The following SNRPN variants were observed in gnomAD, a reference collection of about 807,000 sequenced individuals.
SNRPN encodes small nuclear ribonucleoprotein-associated protein N.
SNRPN carries 7 observed loss-of-function variants against 25.2 expected under a neutral mutation model. That is an observed-to-expected ratio of 0.28 (90% CI 0.16 to 0.52). The LOEUF is 0.52. SNRPN is among the 20% of genes least tolerant of loss of function. The probability of loss-of-function intolerance (pLI) is 0.96; values close to 1 mark genes in which losing one functional copy is unlikely to be tolerated. For synonymous variants in SNRPN, 124 were observed against 110.6 expected, an observed-to-expected ratio of 1.12 and a Z score of -0.76; for missense variants, 196 against 322.5, an observed-to-expected ratio of 0.61 and a Z score of 3.00.
chr15:24,836,686 T>C (rs530595549), intron 2 of SNRPN, among the ~76,000 whole-genome samples: 35 of 152,232 alleles, frequency 2.3e-4, no homozygotes, highest in Admixed American at 4.6e-4. Context: ...GTGCTGGGAT[T>C]ATAGGCGTGA....
chr15:24,958,321 G>T (rs957151871), intron 1 of SNRPN, among the ~76,000 whole-genome samples: 1 of 150,920 alleles, frequency 6.6e-6, no homozygotes, highest in East Asian at 1.9e-4. Flanking sequence ...TGTGAGTACT[G>T]CCCTCAATTA....
At chr15:24,868,514 T>C (rs920094342) in intron 1 of SNRPN, among the ~76,000 whole-genome samples, 4 of 152,196 alleles carry the variant, frequency 2.6e-5, no homozygotes, top group Non-Finnish European at 5.9e-5. Context: ...TGCTCTATTC[T>C]CTTGTTTCAA....
In SNRPN at chr15:24,894,364, G is replaced by A. The variant is rs531138934; in HGVS notation, c.-505+7775G>A. ...CTCCCAAGTAGCTGGGACTACAGGT[G>A]CCCGCCACCACGCCTGGCTAATTTT... On this transcript the variant is annotated intron_variant, in intron 2 of 11. Transcript: ENST00000400097. Among the ~76,000 whole-genome samples, 8 of 152,204 alleles carry A rather than the reference G, an allele frequency of 5.3e-5. No individual in the cohort carries two copies. In the South Asian group the frequency reaches 8.3e-4, roughly 16 times the overall value.
chr15:24,977,657 T>C (rs1596350314), intron 7 of SNRPN, 121 bp from the exon 8 acceptor site: 4 of 965,496 alleles, frequency 4.1e-6, no homozygotes, highest in East Asian at 2.8e-5. Context: ...ATGGGAATAA[T>C]GAGAGAAGTA....
At chr15:24,895,410 C>A (rs1595758463) in intron 2 of SNRPN, among the ~76,000 whole-genome samples, 1 of 100,596 alleles carries the variant, frequency 9.9e-6, no homozygotes, top group East Asian at 3.6e-4. Flanking sequence ...AACACACACA[C>A]ACACACACAC....
chr15:24,860,742 C>T (rs1167444234), intron 1 of SNRPN, among the ~76,000 whole-genome samples: 1 of 152,088 alleles, frequency 6.6e-6, no homozygotes, highest in Non-Finnish European at 1.5e-5. Flanking sequence ...AACAGAAAAA[C>T]AGAAAGATTG....
intron 2 of SNRPN, among the ~76,000 whole-genome samples, chr15:24,918,574 A>ATATATAACATAATATATGTGTG (rs1566909290): frequency 2.2e-5 from 1 of 46,088 alleles, no homozygotes; most frequent in African/African-American, 9.6e-5. Context: ...ATATATATGT[A>ATATATAACATAATATATGTGTG]TATATATAAC....
At chr15:24,855,003 CAAA>C (rs10600812), upstream of SNRPN, among the ~76,000 whole-genome samples, 11 of 140,808 alleles carry the variant, frequency 7.8e-5, no homozygotes, top group Non-Finnish European at 7.7e-5. Flanking sequence ...GACTCCGTCT[CAAA>C]AAAAAAAAAA....
chr15:24,962,274 T>C, intron 2 of SNRPN, 65 bp downstream of exon 2: 1 of 1,278,376 alleles, frequency 7.8e-7, no homozygotes, highest in Non-Finnish European at 1.1e-6. Context: ...GAACAAAATA[T>C]CATGCAATGA....
intron 3 of SNRPN, among the ~76,000 whole-genome samples, chr15:24,970,493 T>A (rs1290118908): frequency 6.6e-6 from 1 of 152,036 alleles, no homozygotes; most frequent in Non-Finnish European, 1.5e-5. Context: ...GCAGGAGAAT[T>A]TCTTGAACCC....
chr15:24,870,940 G>C (rs2055053553), intron 1 of SNRPN, among the ~76,000 whole-genome samples: 1 of 151,578 alleles, frequency 6.6e-6, no homozygotes, highest in East Asian at 1.9e-4. Context: ...GAGTGCAATG[G>C]TGTGTTCTTG....
chr15:24,895,760 T>C (rs973739235), intron 2 of SNRPN, among the ~76,000 whole-genome samples: 2 of 152,186 alleles, frequency 1.3e-5, no homozygotes, highest in Admixed American at 1.3e-4. Flanking sequence ...TGTCCATATA[T>C]TGAAGATAGA....
chr15:24,926,438 C>G (rs993178847), intron 3 of SNRPN, among the ~76,000 whole-genome samples: 1 of 152,164 alleles, frequency 6.6e-6, no homozygotes, highest in South Asian at 2.1e-4. Flanking sequence ...TATGAATAAT[C>G]CTGCTTTCTC....
At chr15:24,869,953 T>C (rs2054931928) in intron 1 of SNRPN, among the ~76,000 whole-genome samples, 1 of 152,176 alleles carries the variant, frequency 6.6e-6, no homozygotes, top group Non-Finnish European at 1.5e-5. Flanking sequence ...GTATTGAATA[T>C]GATATGAAAT....
At chr15:24,932,928 C>T (rs1595991230) in intron 3 of SNRPN, among the ~76,000 whole-genome samples, 1 of 152,268 alleles carries the variant, frequency 6.6e-6, no homozygotes, top group Admixed American at 6.5e-5. Flanking sequence ...GGATTACAGG[C>T]GTGAGCCCCC....
intron 2 of SNRPN, among the ~76,000 whole-genome samples, chr15:24,845,443 C>T (rs375612272): frequency 2.0e-5 from 3 of 151,992 alleles, no homozygotes; most frequent in Admixed American, 6.6e-5. Flanking sequence ...ACTAAAAATA[C>T]AAAAATTAGC....
At chr15:24,904,050 A>AAG (rs968821075) in intron 2 of SNRPN, among the ~76,000 whole-genome samples, 5 of 152,028 alleles carry the variant, frequency 3.3e-5, no homozygotes, top group Non-Finnish European at 7.4e-5. Context: ...AAAAAAAAAA[A>AAG]AAGATCGGAG....
chr15:24,844,813 T>A (rs1030854889), intron 2 of SNRPN, among the ~76,000 whole-genome samples: 1 of 152,184 alleles, frequency 6.6e-6, no homozygotes, highest in African/African-American at 2.4e-5. Flanking sequence ...CATGAGCCAC[T>A]GTGCCCAGCC....
intron 2 of SNRPN, among the ~76,000 whole-genome samples, chr15:24,900,382 G>A (rs1038571374): frequency 6.6e-6 from 1 of 152,168 alleles, no homozygotes; most frequent in Admixed American, 6.5e-5. Flanking sequence ...ACTTGGAATG[G>A]GGGAATCTGT....
Sources: allele counts gnomAD v4.1 joint callset (sites outside exome capture counted in the v4.1 genomes callset), GRCh38; gene constraint gnomAD v4.1.1; transcripts MANE v1.5; gene names NCBI Gene and HGNC (gene_info 2026-07-23, HGNC 2026-07-21).